METTL21C: variants seen among roughly 807,000 people sequenced by gnomAD.
METTL21C encodes the protein methyltransferase 21C, AARS1 lysine, also known as protein-lysine methyltransferase METTL21C.
METTL21C carries 21 observed loss-of-function variants against 25.9 expected under a neutral mutation model. The observed-to-expected ratio is 0.81, with a 90% CI of 0.58 to 1.17. The LOEUF is 1.17. METTL21C is among the 50% of genes most tolerant of loss of function. The probability of loss-of-function intolerance (pLI) is 0.00; values close to 1 mark genes in which losing one functional copy is unlikely to be tolerated. For synonymous variants in METTL21C, 125 were observed against 124.7 expected, an observed-to-expected ratio of 1.00 and a Z score of -0.01; for missense variants, 312 against 315.1, an observed-to-expected ratio of 0.99 and a Z score of 0.07.
chr13:102,686,327 C>T lies in METTL21C; in HGVS notation c.499G>A (p.Val167Met). The T allele has an allele frequency of 1.2e-6, 2 of 1,614,228 alleles. No individual in the cohort carries two copies. Among genetic ancestry groups the T allele is most frequent in the Non-Finnish European group, 1.7e-6 (2 of 1,180,040 alleles). ...TCTTCCCCCCATACCAGTTCTTTCA[C>T]TTCAGGCAGATGTGCTGTACATTGT... is the stretch of plus-strand genomic sequence containing the variant. Reference protein sequence around the residue: ...TLQCTAHLPEVKELVWGEDLD... With the variant: ...TLQCTAHLPEMKELVWGEDLD... Residue 167 changes from valine (V) to methionine (M), a missense_variant, in exon 4 of 4, where the codon GTG becomes ATG. Transcript: ENST00000267273.
Position 102,686,752 on chromosome 13 carries a change from A to G in METTL21C, c.400+188T>C, listed in dbSNP as rs149471764. On this transcript the variant is annotated intron_variant, in intron 3 of 3. Transcript: ENST00000267273. ...CATGGAAACTGGTTGATTGGAGTTT[A>G]TTAACCTCTCTGAGACTCAATGATC... Among the ~76,000 whole-genome samples, 390 of 152,338 alleles carry G rather than the reference A, an allele frequency of 2.6e-3. 3 individuals carry two copies. The highest frequency in any genetic ancestry group is 8.9e-3 in the African/African-American group (370 of 41,582).
upstream of METTL21C, among the ~76,000 whole-genome samples, chr13:102,699,090 G>C (rs1233335894): frequency 1.3e-5 from 2 of 152,178 alleles, no homozygotes; most frequent in African/African-American, 4.8e-5. Flanking sequence ...AAACCACGAA[G>C]AGCAGGCTGG....
the METTL21C span, among the ~76,000 whole-genome samples, chr13:102,701,351 A>G: frequency 6.6e-6 from 1 of 151,754 alleles, no homozygotes; most frequent in Non-Finnish European, 1.5e-5. Context: ...TCACATACCA[A>G]CTCCACCAGG....
chr13:102,698,366 G>A (rs554591059), upstream of METTL21C, among the ~76,000 whole-genome samples: 5 of 152,210 alleles, frequency 3.3e-5, no homozygotes, highest in East Asian at 3.9e-4. Context: ...TCATGAGGTC[G>A]GCCTGTTCTC....
chr13:102,689,145 G>T (rs1049921733), intron 2 of METTL21C, among the ~76,000 whole-genome samples: 1 of 151,910 alleles, frequency 6.6e-6, no homozygotes, highest in Non-Finnish European at 1.5e-5. Context: ...GCCCAGGCTG[G>T]TCTCAAACTC....
At chr13:102,701,387 C>T in the METTL21C span, among the ~76,000 whole-genome samples, 3 of 152,148 alleles carry the variant, frequency 2.0e-5, no homozygotes, top group African/African-American at 7.2e-5. Flanking sequence ...CCTCTGGGAA[C>T]TTCTCCAATC....
Position 102,690,727 on chromosome 13 carries a change from A to G in METTL21C, c.282+86T>C. ...AAATTGAGAAGCAGGATATGAAGGA[A>G]CTTGACAAATTGTCCAAGGCAACTC... is the stretch of plus-strand genomic sequence containing the variant. On this transcript the variant is annotated intron_variant, in intron 2 of 3. Transcript: ENST00000267273. The G allele has an allele frequency of 2.0e-6, 3 of 1,487,098 alleles. No homozygotes were observed. In the East Asian group the frequency reaches 7.0e-5, roughly 35 times the overall value. The allele number at this position is 1,487,098 out of a possible 1,614,324, so 92.1% of individuals were successfully genotyped here.
chr13:102,686,013 A>G lies in METTL21C; in HGVS notation c.*18T>C, dbSNP rs1450409683. On this transcript the variant is annotated 3_prime_UTR_variant, in exon 4 of 4. Coordinates refer to ENST00000267273, the MANE Select transcript of METTL21C (RefSeq NM_001010977.3). ...GCTCAAAAGACACAGTAACGTTGTG[A>G]AAGGCATTTTGTTGGATTTAGTCCC... 1 of 1,545,934 alleles carries G rather than the reference A, an allele frequency of 6.5e-7. No homozygotes were observed. Among genetic ancestry groups the G allele is most frequent in the Admixed American group, 1.9e-5 (1 of 51,654 alleles).
chr13:102,695,041 C>A lies in METTL21C; in HGVS notation c.-543G>T, dbSNP rs552401877. ...CCAGTTGCTGCGATGTGGTTCGAAA[C>A]GTTAGACTTCCAGTTCACTTTTCAA... On this transcript the variant is annotated 5_prime_UTR_variant, in exon 1 of 4. Coordinates refer to ENST00000267273, the MANE Select transcript of METTL21C (RefSeq NM_001010977.3). Among the ~76,000 whole-genome samples, 1 of 152,222 alleles carries A rather than the reference C, an allele frequency of 6.6e-6. No homozygotes were observed. The highest frequency in any genetic ancestry group is 2.4e-5 in the African/African-American group (1 of 41,540).
At chr13:102,694,309 G>A (rs7981120) in intron 1 of METTL21C, 60 bp downstream of exon 1, 661,362 of 1,544,298 alleles carry the variant, frequency 0.43, 146,239 homozygotes, top group East Asian at 0.76. Flanking sequence ...TTTACTTGAA[G>A]ATGTCATCGC....
chr13:102,690,376 G>A (rs1248441140), intron 2 of METTL21C, among the ~76,000 whole-genome samples: 1 of 150,912 alleles, frequency 6.6e-6, no homozygotes, highest in African/African-American at 2.4e-5. Flanking sequence ...AGCCAAGATC[G>A]TGTCACTGCA....
At chr13:102,703,576 A>C in the METTL21C span, among the ~76,000 whole-genome samples, 1 of 152,234 alleles carries the variant, frequency 6.6e-6, no homozygotes, top group African/African-American at 2.4e-5. Context: ...CGCTTCTGTT[A>C]AAGGAAACAT....
At chr13:102,698,798 C>G (rs982373865), upstream of METTL21C, among the ~76,000 whole-genome samples, 1 of 152,210 alleles carries the variant, frequency 6.6e-6, no homozygotes, top group African/African-American at 2.4e-5. Flanking sequence ...TGTCTCAGTG[C>G]ATTGGCCTGT....
chr13:102,699,537 G>C (rs1885999983), upstream of METTL21C, among the ~76,000 whole-genome samples: 1 of 152,134 alleles, frequency 6.6e-6, no homozygotes, highest in South Asian at 2.1e-4. Context: ...TCAGGCAAAT[G>C]CAAGACATAC....
At chr13:102,687,503 CCTCTTT>C (rs1885706706) in intron 2 of METTL21C, among the ~76,000 whole-genome samples, 1 of 152,224 alleles carries the variant, frequency 6.6e-6, no homozygotes, top group African/African-American at 2.4e-5. Context: ...AACTTGAACA[CCTCTTT>C]CCTGACTCCT....
At chr13:102,691,020 A>T in intron 1 of METTL21C, 56 bp from the exon 2 acceptor site, 1 of 1,578,722 alleles carries the variant, frequency 6.3e-7, no homozygotes, top group Non-Finnish European at 8.7e-7. Flanking sequence ...CAGTGCAAAG[A>T]CACACTTGGT....
intron 1 of METTL21C, among the ~76,000 whole-genome samples, chr13:102,692,806 C>T (rs901534564): frequency 6.6e-6 from 1 of 152,148 alleles, no homozygotes; most frequent in Non-Finnish European, 1.5e-5. Context: ...CCTTTGCGGT[C>T]ACCTGCCCTG....
chr13:102,700,847 C>A, the METTL21C span, among the ~76,000 whole-genome samples: 1 of 152,010 alleles, frequency 6.6e-6, no homozygotes, highest in Non-Finnish European at 1.5e-5. Flanking sequence ...TGCCCCATGA[C>A]TCTGACACCC....
rs573319607 is a variant in METTL21C at position 102,687,122 on chromosome 13, T to C, written c.283-65A>G. ...ATTGGAAACCAGTAGCAACCCTTTC[T>C]GGCACCCAAATTTAAATACTAAAAG... is the stretch of plus-strand genomic sequence containing the variant. On this transcript the variant is annotated intron_variant, in intron 2 of 3. Transcript: ENST00000267273. 13 of 1,208,126 alleles carry C rather than the reference T, an allele frequency of 1.1e-5. No individual in the cohort carries two copies. In the South Asian group the frequency reaches 1.6e-4, roughly 15 times the overall value. 74.8% of individuals were successfully genotyped at this position (1,208,126 alleles called of 1,614,324 possible).
Sources: allele counts gnomAD v4.1 joint callset (sites outside exome capture counted in the v4.1 genomes callset), GRCh38; gene constraint gnomAD v4.1.1; transcripts MANE v1.5; gene names NCBI Gene and HGNC (gene_info 2026-07-23, HGNC 2026-07-21).